DENND1A: variants seen among roughly 807,000 people sequenced by gnomAD.
The protein encoded by DENND1A is DENN domain containing 1A.
Under a neutral mutation model 113.7 loss-of-function variants are expected in DENND1A, and 51 were observed. That is an observed-to-expected ratio of 0.45 (90% confidence interval 0.36 to 0.57). The LOEUF (loss-of-function observed/expected upper bound fraction) is 0.57, where lower values mean the gene tolerates loss of function less well. Ranked by LOEUF, DENND1A falls within the 20% of genes least tolerant of loss-of-function variation. The pLI is 0.00. For missense variants in DENND1A, 1,258 were observed against 1,395.9 expected (o/e 0.90, Z 1.57); for synonymous variants, 565 against 570.8 (o/e 0.99, Z 0.14).
At chr9:123,737,232 T>C (rs2068631670) in intron 5 of DENND1A, among the ~76,000 whole-genome samples, 1 of 152,194 alleles carries the variant, frequency 6.6e-6, no homozygotes, top group Admixed American at 6.5e-5. Flanking sequence ...TCTCACTCTG[T>C]CGCCCACACT....
At chr9:123,452,941 T>A (rs911785658) in intron 16 of DENND1A, among the ~76,000 whole-genome samples, 1 of 152,138 alleles carries the variant, frequency 6.6e-6, no homozygotes, top group Non-Finnish European at 1.5e-5. Flanking sequence ...TAGCCACAAA[T>A]GTTCACCATG....
Position 123,381,816 on chromosome 9 carries a change from C to A in DENND1A, c.2829G>T (p.Arg943Ser). 1 of 1,511,522 alleles carries A rather than the reference C, an allele frequency of 6.6e-7. No individual in the cohort carries two copies. Among genetic ancestry groups the A allele is most frequent in the Non-Finnish European group, 8.8e-7 (1 of 1,130,314 alleles). The allele number at this position is 1,511,522 out of a possible 1,614,324, so 93.6% of individuals were successfully genotyped here. The change falls in exon 24 of 24, where the codon AGG (arginine) becomes AGT (serine). Residue 943 changes from arginine to serine, a missense_variant. Arg to Ser is a moderately radical substitution (Grantham distance 110, BLOSUM62 -1). This residue lies in a region of DENND1A where 1,159 missense variants were observed against 1,231.7 expected (regional missense o/e 0.94). Coordinates refer to ENST00000394215, the MANE Select transcript of DENND1A (RefSeq NM_001352964.2). This position sits in a 1 kb window ranked among gnomAD's most constrained non-coding sequence, Gnocchi z 4.7. ...AGAGGGCGGAGAGGTTGGGCTGAGA[C>A]CTGTGAGGGGCACAGAAGCCAGCAC... ...LSSAGFCAPH[R>S]SQPNLSALSM...
intron 2 of DENND1A, among the ~76,000 whole-genome samples, chr9:123,874,497 A>G (rs1272738469): frequency 6.6e-6 from 1 of 152,146 alleles, no homozygotes; most frequent in African/African-American, 2.4e-5. Flanking sequence ...ACCAGCTACT[A>G]AGGAGGCTAG....
At chr9:123,631,115 TAATA>T (rs541147589) in intron 9 of DENND1A, among the ~76,000 whole-genome samples, 1 of 152,138 alleles carries the variant, frequency 6.6e-6, no homozygotes, top group South Asian at 2.1e-4. Context: ...TGAAGGCACT[TAATA>T]AATACATATC....
chr9:123,496,661 G>A (rs890263161), intron 13 of DENND1A, among the ~76,000 whole-genome samples: 1 of 152,186 alleles, frequency 6.6e-6, no homozygotes, highest in African/African-American at 2.4e-5. Flanking sequence ...GCAGATCTGC[G>A]GAACTGCGCA....
chr9:123,865,490 C>T (rs997988761), intron 2 of DENND1A, among the ~76,000 whole-genome samples: 4 of 152,240 alleles, frequency 2.6e-5, no homozygotes, highest in Non-Finnish European at 5.9e-5. Flanking sequence ...AGGGCCCCTC[C>T]ACCATGTGTG....
chr9:123,485,636 GTACA>G (rs1262816159), intron 13 of DENND1A: 4 of 94,096 alleles, frequency 4.3e-5, no homozygotes, highest in African/African-American at 1.4e-4. Context: ...GTGTGTGCGC[GTACA>G]CACACGCGCG....
At chr9:123,384,608 C>A (rs1310242629) in intron 22 of DENND1A, among the ~76,000 whole-genome samples, 3 of 152,240 alleles carry the variant, frequency 2.0e-5, no homozygotes, top group African/African-American at 7.2e-5. Flanking sequence ...GGCTGTCACA[C>A]AGGCTCTTCT....
chr9:123,453,479 T>C (rs1588610234), intron 16 of DENND1A, among the ~76,000 whole-genome samples: 1 of 152,108 alleles, frequency 6.6e-6, no homozygotes, highest in Middle Eastern at 3.4e-3. Flanking sequence ...CTCCCATGAG[T>C]GTATCATCAG....
intron 13 of DENND1A, among the ~76,000 whole-genome samples, chr9:123,533,488 C>T (rs537378104): frequency 2.0e-5 from 3 of 152,292 alleles, no homozygotes; most frequent in South Asian, 2.1e-4. Context: ...TTCTCAGAGC[C>T]CAGAGCTCAC....
chr9:123,595,338 C>T (rs1258420609), intron 11 of DENND1A, among the ~76,000 whole-genome samples: 3 of 152,154 alleles, frequency 2.0e-5, no homozygotes, highest in Non-Finnish European at 4.4e-5. Flanking sequence ...TCCTGGCCAT[C>T]GATCCACTGG....
intron 10 of DENND1A, among the ~76,000 whole-genome samples, chr9:123,629,219 C>T (rs2061372201): frequency 6.6e-6 from 1 of 152,190 alleles, no homozygotes; most frequent in Non-Finnish European, 1.5e-5. Flanking sequence ...TGTCATCTGT[C>T]CTTAAGCAAC....
At chr9:123,913,605 C>CTT (rs1443934113) in intron 1 of DENND1A, among the ~76,000 whole-genome samples, 1 of 152,074 alleles carries the variant, frequency 6.6e-6, no homozygotes, top group Non-Finnish European at 1.5e-5. Context: ...AAGAATACTG[C>CTT]TTTAAAATAT....
chr9:123,793,207 C>T (rs1382533449), intron 2 of DENND1A, among the ~76,000 whole-genome samples: 3 of 152,186 alleles, frequency 2.0e-5, no homozygotes, highest in East Asian at 3.9e-4. Flanking sequence ...TCAGTGTAAA[C>T]AAAATATGAA....
At chr9:123,839,692 A>G (rs1289894628) in intron 2 of DENND1A, among the ~76,000 whole-genome samples, 1 of 152,234 alleles carries the variant, frequency 6.6e-6, no homozygotes, top group Non-Finnish European at 1.5e-5. Flanking sequence ...TTTAAATTGA[A>G]TAATTTGGAA....
intron 5 of DENND1A, among the ~76,000 whole-genome samples, chr9:123,686,490 A>C (rs1466771163): frequency 6.6e-6 from 1 of 152,232 alleles, no homozygotes; most frequent in Non-Finnish European, 1.5e-5. Context: ...AAGTGTTCTG[A>C]GCAATCTAAC....
At chr9:123,711,524 T>TATAC (rs2140954153) in intron 5 of DENND1A, among the ~76,000 whole-genome samples, 1 of 143,450 alleles carries the variant, frequency 7.0e-6, no homozygotes, top group Non-Finnish European at 1.5e-5. Context: ...TATATATATA[T>TATAC]ATATATATAT....
At chr9:123,715,419 A>T (rs1395290239) in intron 5 of DENND1A, among the ~76,000 whole-genome samples, 1 of 152,172 alleles carries the variant, frequency 6.6e-6, no homozygotes, top group Non-Finnish European at 1.5e-5. Context: ...TACAACTCTC[A>T]TTCATTCACT....
intron 5 of DENND1A, among the ~76,000 whole-genome samples, chr9:123,689,286 A>C (rs1472769301): frequency 2.0e-5 from 3 of 152,152 alleles, no homozygotes; most frequent in Non-Finnish European, 4.4e-5. Context: ...TGGCCTCCCA[A>C]AGTACTGAGA....
Sources: allele counts gnomAD v4.1 joint callset (sites outside exome capture counted in the v4.1 genomes callset), GRCh38; gene constraint gnomAD v4.1.1; regional missense constraint gnomAD v4.1.1; non-coding constraint Gnocchi (gnomAD v3.1); transcripts MANE v1.5; gene names NCBI Gene and HGNC (gene_info 2026-07-23, HGNC 2026-07-21).